The following NALF1 variants were observed in gnomAD, a reference collection of about 807,000 sequenced individuals.
The protein encoded by NALF1 is family with sequence similarity 155 member A.
NALF1 carries 3 observed loss-of-function variants against 48.4 expected under a neutral mutation model. The observed-to-expected ratio is 0.06, with a 90% CI of 0.03 to 0.16. The LOEUF (loss-of-function observed/expected upper bound fraction) is 0.16, where lower values mean the gene tolerates loss of function less well. Ranked by LOEUF, NALF1 falls within the 10% of genes least tolerant of loss-of-function variation. NALF1 has a pLI of 1.00. For missense variants in NALF1, 526 were observed against 571.5 expected, an observed-to-expected ratio of 0.92 and a Z score of 0.81; for synonymous variants, 262 against 245.7, an observed-to-expected ratio of 1.07 and a Z score of -0.62.
intron 2 of NALF1, among the ~76,000 whole-genome samples, chr13:107,207,448 T>C (rs1879667487): frequency 6.6e-6 from 1 of 152,202 alleles, no homozygotes; most frequent in South Asian, 2.1e-4. Context: ...TATGCACATA[T>C]GTCTTACTAG....
At chr13:107,436,601 A>G (rs1326932346) in intron 1 of NALF1, among the ~76,000 whole-genome samples, 1 of 152,190 alleles carries the variant, frequency 6.6e-6, no homozygotes, top group Non-Finnish European at 1.5e-5. Flanking sequence ...GCATCTACCA[A>G]AAAATTAACA....
At chr13:107,204,875 A>G (rs1879601487) in intron 2 of NALF1, among the ~76,000 whole-genome samples, 1 of 151,496 alleles carries the variant, frequency 6.6e-6, no homozygotes, top group Non-Finnish European at 1.5e-5. Context: ...CCTGATTTTA[A>G]AAAATTAAAT....
chr13:107,183,889 T>C (rs567080153), intron 2 of NALF1, among the ~76,000 whole-genome samples: 5 of 152,258 alleles, frequency 3.3e-5, no homozygotes, highest in East Asian at 1.9e-4. Flanking sequence ...AAATACCTAA[T>C]GTAGATGACG....
intron 1 of NALF1, among the ~76,000 whole-genome samples, chr13:107,310,624 G>C (rs113630798): frequency 4.6e-5 from 7 of 151,776 alleles, no homozygotes; most frequent in Non-Finnish European, 8.8e-5. Flanking sequence ...TGTATATTGA[G>C]TTATGGACAC....
chr13:107,269,275 A>AATG (rs1881106733), intron 1 of NALF1, among the ~76,000 whole-genome samples: 1 of 152,152 alleles, frequency 6.6e-6, no homozygotes, highest in Admixed American at 6.6e-5. Context: ...AACTAAGCAA[A>AATG]ATGATGGTGA....
chr13:107,809,107 A>G (rs772947002), intron 1 of NALF1, among the ~76,000 whole-genome samples: 3 of 152,046 alleles, frequency 2.0e-5, no homozygotes, highest in Non-Finnish European at 4.4e-5. Flanking sequence ...TCAATTTTAA[A>G]TAAGGTGCAG....
intron 2 of NALF1, among the ~76,000 whole-genome samples, chr13:107,209,557 T>A (rs1468350337): frequency 6.6e-6 from 1 of 151,984 alleles, no homozygotes. Flanking sequence ...TGGCAGACTA[T>A]CTCTTGATAG....
chr13:107,471,103 A>G (rs1474249868), intron 1 of NALF1, among the ~76,000 whole-genome samples: 1 of 152,210 alleles, frequency 6.6e-6, no homozygotes, highest in Non-Finnish European at 1.5e-5. Context: ...AAAGCTGGCC[A>G]TCCTACTGGA....
intron 1 of NALF1, among the ~76,000 whole-genome samples, chr13:107,569,711 G>A (rs1206991882): frequency 6.6e-6 from 1 of 152,056 alleles, no homozygotes; most frequent in East Asian, 1.9e-4. Flanking sequence ...AAATTGTCTT[G>A]AATATTCTAG....
intron 1 of NALF1, among the ~76,000 whole-genome samples, chr13:107,262,528 C>T (rs1367985940): frequency 4.6e-5 from 7 of 152,318 alleles, no homozygotes; most frequent in African/African-American, 1.7e-4. Context: ...GTATCTGTTT[C>T]TCTGGAAGAG....
At chr13:107,646,170 G>A (rs994802480) in intron 1 of NALF1, among the ~76,000 whole-genome samples, 25 of 151,990 alleles carry the variant, frequency 1.6e-4, no homozygotes, top group African/African-American at 6.0e-4. Flanking sequence ...CAGTGGGAAC[G>A]CTGGTCAACA....
chr13:107,542,657 T>C (rs1178136258), intron 1 of NALF1, among the ~76,000 whole-genome samples: 1 of 152,156 alleles, frequency 6.6e-6, no homozygotes, highest in Non-Finnish European at 1.5e-5. Flanking sequence ...CCCAAAAGTT[T>C]CCATCAATAA....
intron 1 of NALF1, among the ~76,000 whole-genome samples, chr13:107,690,708 G>C (rs1594209348): frequency 6.6e-6 from 1 of 152,316 alleles, no homozygotes; most frequent in Non-Finnish European, 1.5e-5. Flanking sequence ...GGAGAGGAAT[G>C]ATTGATGAGT....
intron 1 of NALF1, among the ~76,000 whole-genome samples, chr13:107,588,475 C>T (rs1878517576): frequency 6.6e-6 from 1 of 151,826 alleles, no homozygotes; most frequent in African/African-American, 2.4e-5. Context: ...TAATTGGGTA[C>T]AGAAAAAGCA....
intron 1 of NALF1, among the ~76,000 whole-genome samples, chr13:107,826,469 G>C (rs1222317519): frequency 6.6e-6 from 1 of 152,204 alleles, no homozygotes; most frequent in Non-Finnish European, 1.5e-5. Context: ...GAAAGAGCGG[G>C]AAAAGGCATC....
intron 1 of NALF1, among the ~76,000 whole-genome samples, chr13:107,819,741 T>C (rs1879305738): frequency 7.0e-6 from 1 of 142,248 alleles, no homozygotes; most frequent in East Asian, 2.1e-4. Flanking sequence ...TCTCTCTCTC[T>C]CTCTCTGGAA....
intron 1 of NALF1, among the ~76,000 whole-genome samples, chr13:107,817,711 A>G (rs1594289080): frequency 6.6e-6 from 1 of 152,258 alleles, no homozygotes; most frequent in African/African-American, 2.4e-5. Context: ...ATTCTAAATG[A>G]TTTATTTCAC....
At chr13:107,620,031 A>G (rs1026775987) in intron 1 of NALF1, among the ~76,000 whole-genome samples, 1 of 152,212 alleles carries the variant, frequency 6.6e-6, no homozygotes, top group Admixed American at 6.5e-5. Context: ...TCACATATTA[A>G]TTGAACACTA....
chr13:107,358,016 A>C (rs1882992480), intron 1 of NALF1, among the ~76,000 whole-genome samples: 1 of 152,166 alleles, frequency 6.6e-6, no homozygotes. Flanking sequence ...GCAATAAATA[A>C]ATGACTACAT....
Sources: allele counts gnomAD v4.1 joint callset (sites outside exome capture counted in the v4.1 genomes callset), GRCh38; gene constraint gnomAD v4.1.1; transcripts MANE v1.5; gene names NCBI Gene and HGNC (gene_info 2026-07-23, HGNC 2026-07-21).